Variants in SLC6A4 observed in about 807,000 individuals in gnomAD.
SLC6A4 encodes solute carrier family 6 member 4.
A neutral mutation model predicts 73.4 loss-of-function variants in SLC6A4; 22 were observed. The observed-to-expected ratio is 0.30, with a 90% CI of 0.21 to 0.43. SLC6A4 has a LOEUF of 0.43. Ranked by LOEUF, SLC6A4 falls within the 20% of genes least tolerant of loss-of-function variation. SLC6A4 has a pLI of 1.00. For missense variants in SLC6A4, 593 were observed against 808.5 expected, an observed-to-expected ratio of 0.73 and a Z score of 3.23; for synonymous variants, 270 against 315.5, an observed-to-expected ratio of 0.86 and a Z score of 1.53.
chr17:30,233,240 A>G (rs949052472), intron 1 of SLC6A4, among the ~76,000 whole-genome samples: 1 of 152,192 alleles, frequency 6.6e-6, no homozygotes, highest in Admixed American at 6.5e-5. Flanking sequence ...GTGGCTGTTA[A>G]TAGCCCAGGG....
chr17:30,227,515 T>A (rs1361570232), intron 1 of SLC6A4, among the ~76,000 whole-genome samples: 1 of 152,094 alleles, frequency 6.6e-6, no homozygotes, highest in Non-Finnish European at 1.5e-5. Context: ...AGACAGAGTC[T>A]TGCACTGTCA....
intron 13 of SLC6A4, 21 bp from the exon 14 acceptor site, chr17:30,203,360 A>C (rs1473004807): frequency 6.2e-7 from 1 of 1,606,972 alleles, no homozygotes; most frequent in Non-Finnish European, 8.5e-7. Context: ...AATTCCAAGA[A>C]ACATTAAAAA....
chr17:30,221,299 C>G (rs144967277), intron 3 of SLC6A4, among the ~76,000 whole-genome samples: 1,907 of 152,088 alleles, frequency 0.013, 42 homozygotes, highest in African/African-American at 0.044. Flanking sequence ...TCTACCAGCT[C>G]GAAAGTCTAA....
At position 30,217,208 on chromosome 17, in the gene SLC6A4, A is replaced by T; in HGVS notation, c.795T>A (p.Val265=). Residue 265 remains valine (V), a synonymous_variant, in exon 6 of 15, where the codon GTT becomes GTA. Transcript: ENST00000650711. ...LALCIMLIFT[V]IYFSIWKGVK... ...CGCCTTTCCAGATGCTGAAGTAGAT[A>T]ACAGTGAAGATCAGCATGATGCAGA... The T allele has an allele frequency of 2.5e-6, 4 of 1,614,070 alleles. No homozygotes were observed. Among genetic ancestry groups the T allele is most frequent in the Non-Finnish European group, 3.4e-6 (4 of 1,179,936 alleles).
chr17:30,231,797 T>C (rs1395144924), intron 1 of SLC6A4, among the ~76,000 whole-genome samples: 4 of 152,138 alleles, frequency 2.6e-5, no homozygotes, highest in Admixed American at 2.6e-4. Flanking sequence ...CCCTCCAGGC[T>C]CTTCCCTCCC....
chr17:30,212,735 C>T lies in SLC6A4; in HGVS notation c.1204+5G>A, dbSNP rs780360919. On this transcript the variant is annotated splice_donor_5th_base_variant and intron_variant, in intron 9 of 14. Coordinates refer to ENST00000650711, the MANE Select transcript of SLC6A4 (RefSeq NM_001045.6). Reference sequence around the variant, plus strand: ...AAGGGACCTGCATAGAACCCGAGGTCCTACCTGCGTCTTTGGCCACCTCAG... The same window carrying T: ...AAGGGACCTGCATAGAACCCGAGGTTCTACCTGCGTCTTTGGCCACCTCAG... 5 of 1,614,008 alleles carry T rather than the reference C, an allele frequency of 3.1e-6. No individual in the cohort carries two copies. The highest frequency in any genetic ancestry group is 1.3e-5 in the African/African-American group (1 of 74,916).
At chr17:30,199,124 C>A (rs1167142803) in intron 14 of SLC6A4, among the ~76,000 whole-genome samples, 1 of 152,160 alleles carries the variant, frequency 6.6e-6, no homozygotes, top group African/African-American at 2.4e-5. Flanking sequence ...ATCATCACTT[C>A]TAATGCAACA....
At chr17:30,203,518 G>T in intron 13 of SLC6A4, 179 bp from the exon 14 acceptor site, 1 of 597,444 alleles carries the variant, frequency 1.7e-6, no homozygotes, top group Non-Finnish European at 2.9e-6. Flanking sequence ...TACCCAAGCT[G>T]CAAGACTACA....
Position 30,207,783 on chromosome 17 carries a change from C to A in SLC6A4, c.1599G>T (p.Pro533=). 1.2e-6 allele frequency: 2 copies of A among 1,614,102 alleles called. No homozygotes were observed. The highest frequency in any genetic ancestry group is 2.2e-5 in the South Asian group (2 of 91,066). ...RDVKEMLGFS[P]GWFWRICWVA... is the part of the protein sequence containing the mutation. Reference sequence around the variant, plus strand: ...CCCAGCAGATCCTCCAGAACCACCCCGGGCTGAAGCCGAGCATTTCCTTCA... The same window carrying A: ...CCCAGCAGATCCTCCAGAACCACCCAGGGCTGAAGCCGAGCATTTCCTTCA... The change falls in exon 13 of 15, where the codon CCG becomes CCT. Residue 533 remains proline, a synonymous_variant. Transcript: ENST00000650711.
rs1025764102 is a variant in SLC6A4 at position 30,198,270 on chromosome 17, G to A, written c.*186C>T. ...AGTCTACCATGGGAATATGTCCAGG[G>A]GAATCCATGGAAATAAGTGGCTGGA... On this transcript the variant is annotated 3_prime_UTR_variant, in exon 15 of 15. Transcript: ENST00000650711. The A allele has an allele frequency of 5.7e-6, 3 of 527,284 alleles. No individual in the cohort carries two copies. Among genetic ancestry groups the A allele is most frequent in the East Asian group, 6.2e-5 (2 of 32,252 alleles). The allele number at this position is 527,284 out of a possible 1,614,324, so 32.7% of individuals were successfully genotyped here.
rs10438799 is a variant in SLC6A4 at position 30,211,521 on chromosome 17, C to T, written c.1205-97G>A. On this transcript the variant is annotated intron_variant, in intron 9 of 14. Transcript: ENST00000650711. This position sits in a 1 kb window ranked among gnomAD's most constrained non-coding sequence, Gnocchi z 4.0. ...CAGCCACAACAACAGTTACAATTCT[C>T]ATCACAAGACCTTATGTGTGAATCA... 2.0e-3 allele frequency: 1,475 copies of T among 754,632 alleles called. 12 individuals carry two copies. The African/African-American group carries it at 0.023, about 12-fold the overall frequency. The allele number at this position is 754,632 out of a possible 1,614,324, so 46.7% of individuals were successfully genotyped here.
chr17:30,208,121 G>T (rs1233414731), intron 12 of SLC6A4, among the ~76,000 whole-genome samples: 2 of 152,144 alleles, frequency 1.3e-5, no homozygotes, highest in Non-Finnish European at 2.9e-5. Flanking sequence ...GAGGACGGAT[G>T]GGCATCTGGA....
At chr17:30,218,956 A>G in intron 3 of SLC6A4, 25 bp from the exon 4 acceptor site, 1 of 1,613,064 alleles carries the variant, frequency 6.2e-7, no homozygotes, top group Non-Finnish European at 8.5e-7. Context: ...AGACAATTTC[A>G]CTCCCTGCCC....
At chr17:30,232,420 C>T (rs1907139757) in intron 1 of SLC6A4, among the ~76,000 whole-genome samples, 1 of 152,234 alleles carries the variant, frequency 6.6e-6, no homozygotes, top group South Asian at 2.1e-4. Context: ...TGCTGTCTGT[C>T]ACTCGTCAGT....
chr17:30,203,161 C>A lies in SLC6A4; in HGVS notation c.1818+11G>T, dbSNP rs762338138. 4 of 1,605,102 alleles carry A rather than the reference C, an allele frequency of 2.5e-6. No individual in the cohort carries two copies. In the Admixed American group the frequency reaches 5.0e-5, roughly 20 times the overall value. On this transcript the variant is annotated intron_variant, in intron 14 of 14. Transcript: ENST00000650711. ...CTGAACACACACATATACACACTAA[C>A]TAGCACGTACCTCTTTAAATGTCCC...
At chr17:30,212,368 C>T (rs748125027) in intron 9 of SLC6A4, among the ~76,000 whole-genome samples, 12 of 152,144 alleles carry the variant, frequency 7.9e-5, no homozygotes, top group Non-Finnish European at 1.3e-4. Context: ...TCTAAGGCAT[C>T]GAGCTTCTCT....
At chr17:30,217,876 T>A (rs1427721424) in intron 5 of SLC6A4, among the ~76,000 whole-genome samples, 1 of 152,174 alleles carries the variant, frequency 6.6e-6, no homozygotes, top group Admixed American at 6.5e-5. Flanking sequence ...AGGGACGGGC[T>A]TGGGCGCATT....
Position 30,196,856 on chromosome 17 carries a change from G to A in SLC6A4, c.*1600C>T, listed in dbSNP as rs1905879569. Reference sequence around the variant, plus strand: ...GAGAAGCAAAGAATCAGAAATAGCAGGGCATGGGGAGAATGCAGGAAGTGG... The same window carrying A: ...GAGAAGCAAAGAATCAGAAATAGCAAGGCATGGGGAGAATGCAGGAAGTGG... On this transcript the variant is annotated 3_prime_UTR_variant, in exon 15 of 15. Transcript: ENST00000650711. 1 of 152,322 alleles carries A rather than the reference G, an allele frequency of 6.6e-6. No homozygotes were observed. The highest frequency in any genetic ancestry group is 1.5e-5 in the Non-Finnish European group (1 of 68,058). 9.4% of individuals were successfully genotyped at this position (152,322 alleles called of 1,614,324 possible).
At chr17:30,216,680 T>C (rs1906585430) in intron 6 of SLC6A4, among the ~76,000 whole-genome samples, 1 of 152,024 alleles carries the variant, frequency 6.6e-6, no homozygotes, top group Non-Finnish European at 1.5e-5. Flanking sequence ...CTTTTCCTTT[T>C]TTTTTTTAGT....
Sources: allele counts gnomAD v4.1 joint callset (sites outside exome capture counted in the v4.1 genomes callset), GRCh38; gene constraint gnomAD v4.1.1; non-coding constraint Gnocchi (gnomAD v3.1); transcripts MANE v1.5; gene names NCBI Gene and HGNC (gene_info 2026-07-23, HGNC 2026-07-21).